The following NAE1 variants were observed in gnomAD, a reference collection of about 807,000 sequenced individuals.
NAE1 encodes the protein NEDD8-activating enzyme E1 regulatory subunit.
NAE1 carries 59 observed loss-of-function variants against 88.0 expected under a neutral mutation model. The observed-to-expected ratio is 0.67, with a 90% CI of 0.54 to 0.83. NAE1 has a LOEUF of 0.83. Among genes scored for constraint, NAE1 ranks in the 40% least tolerant of loss-of-function variants. The pLI is 0.00. For synonymous variants in NAE1, 186 were observed against 208.9 expected (o/e 0.89, Z 0.95); for missense variants, 554 against 632.8 (o/e 0.88, Z 1.34).
chr16:66,824,785 C>A lies in NAE1; in HGVS notation c.249+70G>T, dbSNP rs1960397462. 4.3e-6 allele frequency: 6 copies of A among 1,380,882 alleles called. No individual in the cohort carries two copies. In the Middle Eastern group the frequency reaches 5.6e-4, roughly 129 times the overall value. 85.5% of individuals were successfully genotyped at this position (1,380,882 alleles called of 1,614,324 possible). On this transcript the variant is annotated intron_variant, in intron 4 of 19. Transcript: ENST00000290810. ...ATAATACACGTTTTTAAAGTCAAAG[C>A]TTTTCAAGCAATCAAAACACAGGGG... is the stretch of plus-strand genomic sequence containing the variant.
At chr16:66,817,513 A>T in intron 8 of NAE1, 26 bp from the exon 9 acceptor site, 1 of 1,455,052 alleles carries the variant, frequency 6.9e-7, no homozygotes, top group Non-Finnish European at 9.4e-7. Flanking sequence ...AAATAAAAGA[A>T]AATATCAGTA....
At chr16:66,809,124 A>G in intron 15 of NAE1, 49 bp from the exon 16 acceptor site, 1 of 1,393,738 alleles carries the variant, frequency 7.2e-7, no homozygotes, top group Non-Finnish European at 1.0e-6. Context: ...ACTGGTGAAT[A>G]TTATGAATCA....
intron 17 of NAE1, among the ~76,000 whole-genome samples, chr16:66,807,832 G>A (rs928909105): frequency 1.3e-5 from 2 of 152,062 alleles, no homozygotes; most frequent in Middle Eastern, 3.4e-3. Context: ...TACATTTGCT[G>A]AAGATAAAAA....
chr16:66,808,476 T>A (rs1959660817), intron 17 of NAE1, 45 bp downstream of exon 17: 6 of 1,235,562 alleles, frequency 4.9e-6, no homozygotes, highest in Non-Finnish European at 7.0e-6. Flanking sequence ...TTAAATGTTT[T>A]ATTGAAGATC....
Position 66,807,532 on chromosome 16 carries a change from C to T in NAE1, c.1330+989G>A, listed in dbSNP as rs760749921. Among the ~76,000 whole-genome samples, 10 of 151,782 alleles carry T rather than the reference C, an allele frequency of 6.6e-5. No homozygotes were observed. In the South Asian group the frequency reaches 1.5e-3, roughly 22 times the overall value. On this transcript the variant is annotated intron_variant, in intron 17 of 19. Coordinates refer to ENST00000290810, the MANE Select transcript of NAE1 (RefSeq NM_003905.4). ...GCGGGCGCCTATAGTCCCAGCTACT[C>T]GGGAGGCTGAGGCAGGAAAACTGCT...
intron 7 of NAE1, among the ~76,000 whole-genome samples, chr16:66,819,220 T>G (rs1472393063): frequency 6.6e-6 from 1 of 152,226 alleles, no homozygotes; most frequent in African/African-American, 2.4e-5. Flanking sequence ...TAGGTACAGA[T>G]AGCAACTAAC....
chr16:66,821,593 A>AG, intron 6 of NAE1, 34 bp from the exon 7 acceptor site: 1 of 1,505,360 alleles, frequency 6.6e-7, no homozygotes, highest in African/African-American at 1.4e-5. Context: ...TATGAACATA[A>AG]GCAAATGGAA....
Position 66,823,231 on chromosome 16 carries a change from C to T in NAE1, c.397G>A (p.Glu133Lys). 1 of 1,572,154 alleles carries T rather than the reference C, an allele frequency of 6.4e-7. No individual in the cohort carries two copies. The highest frequency in any genetic ancestry group is 8.6e-7 in the Non-Finnish European group (1 of 1,159,972). ...FTVVVATQLPESTSLRLADVL... is the reference protein window; with the variant it reads ...FTVVVATQLPKSTSLRLADVL... ...CATATTAACATAAAAATTTACCTTT[C>T]AGGAAGCTGAGTTGCAACTACAACA... Residue 133 changes from glutamate to lysine, a missense_variant, in exon 6 of 20, where the codon GAA (glutamate) becomes AAA (lysine). Physicochemically the swap from Glu to Lys is moderately conservative, Grantham distance 56. Coordinates refer to ENST00000290810, the MANE Select transcript of NAE1 (RefSeq NM_003905.4).
chr16:66,822,270 C>T (rs1960293334), intron 6 of NAE1, among the ~76,000 whole-genome samples: 1 of 152,084 alleles, frequency 6.6e-6, no homozygotes, highest in African/African-American at 2.4e-5. Flanking sequence ...AAATATATTC[C>T]AAAAGTTTCA....
intron 11 of NAE1, among the ~76,000 whole-genome samples, chr16:66,814,486 G>C (rs971841472): frequency 6.6e-6 from 1 of 151,740 alleles, no homozygotes; most frequent in Non-Finnish European, 1.5e-5. Flanking sequence ...CCAGCTACTT[G>C]GGAGGCTGAG....
chr16:66,812,513 C>CTTTTTTTTTTT (rs961953416), intron 13 of NAE1, among the ~76,000 whole-genome samples: 1 of 103,678 alleles, frequency 9.6e-6, no homozygotes, highest in Non-Finnish European at 1.9e-5. Context: ...CCCCTAAGTT[C>CTTTTTTTTTTT]TTTTTTTTTT....
At chr16:66,811,627 CTT>C (rs1567489547) in intron 13 of NAE1, among the ~76,000 whole-genome samples, 2 of 152,270 alleles carry the variant, frequency 1.3e-5, no homozygotes, top group South Asian at 2.1e-4. Flanking sequence ...GTGAACATCC[CTT>C]GTGGCACATT....
intron 4 of NAE1, chr16:66,824,383 G>C (rs1446793731): frequency 6.6e-6 from 1 of 152,518 alleles, no homozygotes; most frequent in Non-Finnish European, 1.5e-5. Context: ...ACAAGGTCAG[G>C]AGATCGAGAC....
At chr16:66,817,156 G>T (rs748770997) in intron 9 of NAE1, 128 bp from the exon 10 acceptor site, 25 of 1,279,378 alleles carry the variant, frequency 2.0e-5, no homozygotes, top group Non-Finnish European at 2.4e-5. Context: ...GAAATCAGAG[G>T]CTCACTTGAT....
At chr16:66,807,937 AC>A (rs1959637984) in intron 17 of NAE1, among the ~76,000 whole-genome samples, 1 of 151,174 alleles carries the variant, frequency 6.6e-6, no homozygotes, top group Non-Finnish European at 1.5e-5. Context: ...CAGTCTCACC[AC>A]AGTCACCCAG....
At chr16:66,814,884 A>G (rs908140900) in intron 11 of NAE1, among the ~76,000 whole-genome samples, 9 of 151,958 alleles carry the variant, frequency 5.9e-5, no homozygotes, top group Non-Finnish European at 8.8e-5. Flanking sequence ...TCCCCCTTTT[A>G]CACTTCACTC....
At position 66,813,621 on chromosome 16, in the gene NAE1, C is replaced by G; in HGVS notation, c.977G>C (p.Arg326Pro). The G allele has an allele frequency of 6.2e-7, 1 of 1,613,992 alleles. No homozygotes were observed. The highest frequency in any genetic ancestry group is 1.1e-5 in the South Asian group (1 of 91,054). The stretch of plus-strand genomic sequence containing the variant: ...TGCAATCATATCAGGAATTGTGCCT[C>G]GAACAGGTAAATTTCCTTGACCCTC... Reference protein sequence around the residue: ...AKEGQGNLPVRGTIPDMIADS... With the variant: ...AKEGQGNLPVPGTIPDMIADS... The change falls in exon 13 of 20, where the codon CGA becomes CCA. Residue 326 changes from arginine (R) to proline (P), a missense_variant. By Grantham distance (103) the Arg-to-Pro change is moderately radical. Coordinates refer to ENST00000290810, the MANE Select transcript of NAE1 (RefSeq NM_003905.4).
Position 66,816,946 on chromosome 16 carries a change from T to C in NAE1, c.748+19A>G. ...TGCTTTTCAAGCTTTATACAGTATTTAATCATATCCCATATTACCTTGTCT... is the reference window on the plus strand; with the variant it reads ...TGCTTTTCAAGCTTTATACAGTATTCAATCATATCCCATATTACCTTGTCT... On this transcript the variant is annotated intron_variant, in intron 10 of 19. Coordinates refer to ENST00000290810, the MANE Select transcript of NAE1 (RefSeq NM_003905.4). The C allele has an allele frequency of 6.3e-7, 1 of 1,584,206 alleles. No individual in the cohort carries two copies. The highest frequency in any genetic ancestry group is 1.2e-5 in the South Asian group (1 of 83,686).
In NAE1 at chr16:66,818,881, C is replaced by T. The variant is rs463354; in HGVS notation, c.512-244G>A. 9.8e-4 allele frequency among the ~76,000 whole-genome samples: 149 copies of T among 152,202 alleles called. 1 individual carries two copies. The highest frequency in any genetic ancestry group is 1.6e-3 in the Non-Finnish European group (109 of 67,990). On this transcript the variant is annotated intron_variant, in intron 7 of 19. Coordinates refer to ENST00000290810, the MANE Select transcript of NAE1 (RefSeq NM_003905.4). Reference sequence around the variant, plus strand: ...GTCTCACTATGTCACCCAGGCTAGTCTCAAACTCCTGGATTCAAGGGCTCC... The same window carrying T: ...GTCTCACTATGTCACCCAGGCTAGTTTCAAACTCCTGGATTCAAGGGCTCC...
Sources: gnomAD v4.1 joint callset for allele counts (sites outside exome capture counted in the v4.1 genomes callset) on GRCh38, gnomAD v4.1.1 for gene constraint, MANE v1.5 for transcripts, NCBI Gene and HGNC (gene_info 2026-07-23, HGNC 2026-07-21) for gene names.